Variants in ARHGAP31 observed in about 807,000 individuals in gnomAD.
The protein encoded by ARHGAP31 is rho GTPase-activating protein 31.
Under a neutral mutation model 113.9 loss-of-function variants are expected in ARHGAP31, and 34 were observed. The ratio of observed to expected loss-of-function variants is 0.30; its 90% CI spans 0.23 to 0.40. The LOEUF (loss-of-function observed/expected upper bound fraction) is 0.40, where lower values mean the gene tolerates loss of function less well. Among genes scored for constraint, ARHGAP31 ranks in the 10% least tolerant of loss-of-function variants. The probability of loss-of-function intolerance (pLI) is 1.00; values close to 1 mark genes in which losing one functional copy is unlikely to be tolerated. For missense variants in ARHGAP31, 1,548 were observed against 1,767.1 expected, an observed-to-expected ratio of 0.88 and a Z score of 2.22; for synonymous variants, 650 against 684.8, an observed-to-expected ratio of 0.95 and a Z score of 0.79.
chr3:119,338,324 T>A (rs1162103185), intron 1 of ARHGAP31, among the ~76,000 whole-genome samples: 1 of 152,220 alleles, frequency 6.6e-6, no homozygotes. Context: ...CATTTAACAA[T>A]TAGCTCATAC....
chr3:119,362,786 C>T (rs1042407698), intron 1 of ARHGAP31, among the ~76,000 whole-genome samples: 1 of 144,586 alleles, frequency 6.9e-6, no homozygotes, highest in East Asian at 2.0e-4. Context: ...AAAAAAAAGG[C>T]GGGGGGTGGA....
In ARHGAP31 at chr3:119,414,584, T is replaced by A. The variant is rs1300873640; in HGVS notation, c.2655T>A (p.Pro885=). The A allele has an allele frequency of 6.2e-7, 1 of 1,614,190 alleles. No individual in the cohort carries two copies. The highest frequency in any genetic ancestry group is 1.1e-5 in the South Asian group (1 of 91,082). Reference sequence around the variant, plus strand: ...ATGTAACCCATTCAGTACAGGAGCCTTCAGACTGTGACGAAGATGACACTG... The same window carrying A: ...ATGTAACCCATTCAGTACAGGAGCCATCAGACTGTGACGAAGATGACACTG... ...EEDVTHSVQE[P]SDCDEDDTVT... Residue 885 remains proline, a synonymous_variant, in exon 12 of 12, where the codon CCT becomes CCA. Coordinates refer to ENST00000264245, the MANE Select transcript of ARHGAP31 (RefSeq NM_020754.4).
At chr3:119,339,902 C>T (rs769931889) in intron 1 of ARHGAP31, among the ~76,000 whole-genome samples, 7 of 152,078 alleles carry the variant, frequency 4.6e-5, no homozygotes, top group Admixed American at 6.6e-5. Context: ...AAGCATGACC[C>T]ACAAAGGGAA....
chr3:119,313,100 AATGG>A (rs1488862169), intron 1 of ARHGAP31, among the ~76,000 whole-genome samples: 1 of 152,222 alleles, frequency 6.6e-6, no homozygotes, highest in Non-Finnish European at 1.5e-5. Context: ...GATTCTACTG[AATGG>A]ATGGTTTTTA....
intron 10 of ARHGAP31, 75 bp downstream of exon 10, chr3:119,402,472 G>T: frequency 6.8e-7 from 1 of 1,480,698 alleles, no homozygotes; most frequent in East Asian, 2.4e-5. Context: ...AGTTTGCAAG[G>T]CAATATAGTG....
In ARHGAP31 at chr3:119,382,294, C is replaced by T. The variant is rs937235821; in HGVS notation, c.434C>T (p.Thr145Ile). Residue 145 changes from threonine to isoleucine, a missense_variant and splice_region_variant, in exon 5 of 12, where the codon ACC (threonine) becomes ATC (isoleucine). Physicochemically the swap from Thr to Ile is moderately conservative, Grantham distance 89. Coordinates refer to ENST00000264245, the MANE Select transcript of ARHGAP31 (RefSeq NM_020754.4). ...IQELPPSHYR[T>I]LEYLIRHLAH... ...TGTCAAAAAACAAACCATTCTAGGACCTTGGAATACCTGATTCGACACCTG... is the reference window on the plus strand; with the variant it reads ...TGTCAAAAAACAAACCATTCTAGGATCTTGGAATACCTGATTCGACACCTG... 1 of 1,614,060 alleles carries T rather than the reference C, an allele frequency of 6.2e-7. No homozygotes were observed. The highest frequency in any genetic ancestry group is 8.5e-7 in the Non-Finnish European group (1 of 1,179,946).
chr3:119,337,022 A>G (rs910166221), intron 1 of ARHGAP31, among the ~76,000 whole-genome samples: 2 of 152,216 alleles, frequency 1.3e-5, no homozygotes, highest in Non-Finnish European at 2.9e-5. Flanking sequence ...ATTCTATTCT[A>G]TGGATATACC....
At chr3:119,303,692 C>T (rs72960637) in intron 1 of ARHGAP31, among the ~76,000 whole-genome samples, 6,910 of 152,246 alleles carry the variant, frequency 0.045, 401 homozygotes, top group African/African-American at 0.13. Flanking sequence ...GCTAGGATTC[C>T]GGCAAACCGT....
At chr3:119,375,893 C>G (rs2080342214) in intron 3 of ARHGAP31, among the ~76,000 whole-genome samples, 1 of 152,088 alleles carries the variant, frequency 6.6e-6, no homozygotes, top group Non-Finnish European at 1.5e-5. Flanking sequence ...CTCTGTTCCT[C>G]AAGTCTGGAG....
chr3:119,373,888 T>G (rs2080324548), intron 3 of ARHGAP31, among the ~76,000 whole-genome samples: 2 of 152,244 alleles, frequency 1.3e-5, no homozygotes, highest in African/African-American at 4.8e-5. Flanking sequence ...ACTCTATTTC[T>G]AGGACTCCAT....
chr3:119,299,284 G>T (rs1256975169), intron 1 of ARHGAP31, among the ~76,000 whole-genome samples: 1 of 152,198 alleles, frequency 6.6e-6, no homozygotes, highest in Non-Finnish European at 1.5e-5. Flanking sequence ...TTTTCCCCTG[G>T]ATAAGCGGCC....
intron 11 of ARHGAP31, among the ~76,000 whole-genome samples, chr3:119,412,509 G>GCTGCCCTTA (rs2080725491): frequency 2.6e-5 from 4 of 151,994 alleles, no homozygotes; most frequent in Admixed American, 6.6e-5. Flanking sequence ...AAAGGGAGGA[G>GCTGCCCTTA]TCTAGAAGGA....
chr3:119,401,983 T>C lies in ARHGAP31; in HGVS notation c.1231T>C (p.Phe411Leu). 6.2e-7 allele frequency: 1 copy of C among 1,614,132 alleles called. No homozygotes were observed. Among genetic ancestry groups the C allele is most frequent in the Non-Finnish European group, 8.5e-7 (1 of 1,180,012 alleles). The change falls in exon 10 of 12, where the codon TTT becomes CTT. Residue 411 changes from phenylalanine (F) to leucine (L), a missense_variant. Physicochemically the swap from Phe to Leu is conservative, Grantham distance 22. Coordinates refer to ENST00000264245, the MANE Select transcript of ARHGAP31 (RefSeq NM_020754.4). ...EGMPPGAEGG[F>L]DVSSDRSHLQ... Reference sequence around the variant, plus strand: ...GATGCCTCCCGGGGCTGAGGGTGGCTTTGATGTGAGCAGTGATCGCAGCCA... The same window carrying C: ...GATGCCTCCCGGGGCTGAGGGTGGCCTTGATGTGAGCAGTGATCGCAGCCA...
intron 1 of ARHGAP31, among the ~76,000 whole-genome samples, chr3:119,328,412 A>G: frequency 6.6e-6 from 1 of 152,216 alleles, no homozygotes; most frequent in Admixed American, 6.5e-5. Context: ...CTCACAAAGC[A>G]GACGATTCCA....
At chr3:119,370,285 A>T (rs2080287184) in intron 3 of ARHGAP31, among the ~76,000 whole-genome samples, 1 of 152,194 alleles carries the variant, frequency 6.6e-6, no homozygotes, top group Non-Finnish European at 1.5e-5. Flanking sequence ...TTAATAAAAG[A>T]CATTATGAAA....
intron 1 of ARHGAP31, among the ~76,000 whole-genome samples, chr3:119,330,737 G>A (rs907710365): frequency 3.3e-5 from 5 of 152,284 alleles, no homozygotes; most frequent in South Asian, 2.1e-4. Context: ...GAGGGCCCTT[G>A]TCCTCCTTTA....
intron 1 of ARHGAP31, 99 bp from the exon 2 acceptor site, chr3:119,365,216 AC>A: frequency 3.2e-6 from 3 of 931,706 alleles, no homozygotes; most frequent in Non-Finnish European, 3.4e-6. Flanking sequence ...TTCCATACTT[AC>A]ATCTCTTTGA....
intron 3 of ARHGAP31, among the ~76,000 whole-genome samples, chr3:119,372,808 C>A (rs1174095909): frequency 6.6e-6 from 1 of 152,108 alleles, no homozygotes; most frequent in African/African-American, 2.4e-5. Flanking sequence ...TAAAATGAGG[C>A]TCAGGGTGAC....
At chr3:119,408,186 T>C (rs1246462659) in intron 10 of ARHGAP31, among the ~76,000 whole-genome samples, 1 of 152,194 alleles carries the variant, frequency 6.6e-6, no homozygotes, top group African/African-American at 2.4e-5. Context: ...GATTTTGGTA[T>C]TGGGGGGAGG....
Sources: gnomAD v4.1 joint callset for allele counts (sites outside exome capture counted in the v4.1 genomes callset) on GRCh38, gnomAD v4.1.1 for gene constraint, MANE v1.5 for transcripts, NCBI Gene and HGNC (gene_info 2026-07-23, HGNC 2026-07-21) for gene names.